The following KCNIP4 variants were observed in gnomAD, a reference collection of about 807,000 sequenced individuals.
KCNIP4 encodes potassium voltage-gated channel interacting protein 4, also known as Kv channel-interacting protein 4.
KCNIP4 carries 12 observed loss-of-function variants against 34.0 expected under a neutral mutation model. The ratio of observed to expected loss-of-function variants is 0.35; its 90% CI spans 0.23 to 0.57. The LOEUF (loss-of-function observed/expected upper bound fraction) is 0.57, where lower values mean the gene tolerates loss of function less well. KCNIP4 is among the 20% of genes least tolerant of loss of function. The probability of loss-of-function intolerance (pLI) is 0.83; values close to 1 mark genes in which losing one functional copy is unlikely to be tolerated. For synonymous variants in KCNIP4, 124 were observed against 102.2 expected (o/e 1.21, Z -1.29); for missense variants, 238 against 311.7 (o/e 0.76, Z 1.78).
At chr4:20,942,799 G>A (rs111527490) in intron 1 of KCNIP4, among the ~76,000 whole-genome samples, 19,637 of 151,996 alleles carry the variant, frequency 0.13, 1,807 homozygotes, top group African/African-American at 0.27. Context: ...AGCCTCCTGA[G>A]TAGCTGGGAT....
intron 1 of KCNIP4, among the ~76,000 whole-genome samples, chr4:21,320,545 A>G (rs1461539715): frequency 6.6e-6 from 1 of 152,122 alleles, no homozygotes; most frequent in African/African-American, 2.4e-5. Context: ...GGATTTTTCT[A>G]CCTACTATAT....
At chr4:21,947,248 T>A (rs74717206) in intron 1 of KCNIP4, among the ~76,000 whole-genome samples, 3,789 of 152,286 alleles carry the variant, frequency 0.025, 65 homozygotes, top group Middle Eastern at 0.044. Flanking sequence ...TCAGGAAACA[T>A]TTGATCTCTT....
chr4:21,351,196 A>ATGT (rs1717968154), intron 1 of KCNIP4, among the ~76,000 whole-genome samples: 1 of 152,148 alleles, frequency 6.6e-6, no homozygotes, highest in African/African-American at 2.4e-5. Context: ...TCAAATTTAT[A>ATGT]TGTTAAAGTT....
rs114025335 is a variant in KCNIP4 at position 20,763,952 on chromosome 4, A to T, written c.289-5062T>A. On this transcript the variant is annotated intron_variant, in intron 3 of 8. Transcript: ENST00000382152. Reference sequence around the variant, plus strand: ...TAAAGACTGTTTACTTGCTTCAAGTAAACAAGTACAATGAAGCTTAAATGT... The same window carrying T: ...TAAAGACTGTTTACTTGCTTCAAGTTAACAAGTACAATGAAGCTTAAATGT... Among the ~76,000 whole-genome samples, 842 of 152,316 alleles carry T rather than the reference A, an allele frequency of 5.5e-3. 8 individuals carry two copies. The highest frequency in any genetic ancestry group is 0.045 in the South Asian group (219 of 4,824).
At chr4:20,769,107 T>C (rs1755656995) in intron 3 of KCNIP4, among the ~76,000 whole-genome samples, 1 of 149,952 alleles carries the variant, frequency 6.7e-6, no homozygotes, top group Non-Finnish European at 1.5e-5. Context: ...AAGTTTCAGC[T>C]CTACTACTAA....
At position 21,223,461 on chromosome 4, in the gene KCNIP4, G is replaced by C. The variant is rs147565543; in HGVS notation, c.62-340752C>G. Among the ~76,000 whole-genome samples, 581 of 152,258 alleles carry C rather than the reference G, an allele frequency of 3.8e-3. 5 individuals are homozygous for C. The highest frequency in any genetic ancestry group is 5.4e-3 in the Non-Finnish European group (368 of 68,018). On this transcript the variant is annotated intron_variant, in intron 1 of 8. Coordinates refer to ENST00000382152, the MANE Select transcript of KCNIP4 (RefSeq NM_025221.6). The stretch of plus-strand genomic sequence containing the variant: ...GTGGTCATTTGTTCCAGCAGCAATA[G>C]GAAATTAATATGCCTGCTTTGCATA...
chr4:21,880,149 G>T (rs574093126), intron 1 of KCNIP4, among the ~76,000 whole-genome samples: 41 of 152,218 alleles, frequency 2.7e-4, no homozygotes, highest in African/African-American at 8.9e-4. Flanking sequence ...TTTTTAAGGA[G>T]ATATGGCATG....
At chr4:21,853,840 T>C (rs1042265648) in intron 1 of KCNIP4, among the ~76,000 whole-genome samples, 1 of 152,180 alleles carries the variant, frequency 6.6e-6, no homozygotes, top group Admixed American at 6.5e-5. Context: ...TCACTTAACC[T>C]CCCTGGACCT....
At chr4:20,792,111 C>T (rs747726848) in intron 3 of KCNIP4, among the ~76,000 whole-genome samples, 14 of 152,320 alleles carry the variant, frequency 9.2e-5, no homozygotes, top group Admixed American at 2.6e-4. Flanking sequence ...CAATGGCTCA[C>T]GCCTATAATC....
At chr4:21,572,188 G>T (rs1183395324) in intron 1 of KCNIP4, among the ~76,000 whole-genome samples, 2 of 152,088 alleles carry the variant, frequency 1.3e-5, no homozygotes, top group African/African-American at 2.4e-5. Flanking sequence ...TTCTAAAAGA[G>T]ACTGCTACTT....
intron 1 of KCNIP4, among the ~76,000 whole-genome samples, chr4:21,762,618 G>A (rs1560695481): frequency 6.6e-6 from 1 of 152,124 alleles, no homozygotes; most frequent in East Asian, 1.9e-4. Flanking sequence ...TTCCTCATCT[G>A]CAAACATAAA....
At chr4:21,123,119 C>T (rs949898518) in intron 1 of KCNIP4, among the ~76,000 whole-genome samples, 8 of 151,832 alleles carry the variant, frequency 5.3e-5, no homozygotes, top group Non-Finnish European at 1.0e-4. Flanking sequence ...GAGGCTGAGG[C>T]AGGAGAATGG....
At chr4:21,395,712 C>G (rs1046357185) in intron 1 of KCNIP4, among the ~76,000 whole-genome samples, 1 of 152,020 alleles carries the variant, frequency 6.6e-6, no homozygotes, top group Non-Finnish European at 1.5e-5. Flanking sequence ...AGGAAATGTC[C>G]TATAGAGACA....
intron 1 of KCNIP4, among the ~76,000 whole-genome samples, chr4:20,910,731 C>A (rs1728247210): frequency 6.6e-6 from 1 of 152,156 alleles, no homozygotes; most frequent in Non-Finnish European, 1.5e-5. Flanking sequence ...TCTGTTCCAA[C>A]ATAATTATCT....
chr4:20,788,653 A>G (rs1401985981), intron 3 of KCNIP4, among the ~76,000 whole-genome samples: 6 of 152,200 alleles, frequency 3.9e-5, no homozygotes, highest in African/African-American at 1.4e-4. Flanking sequence ...TGCATAAACA[A>G]AACCTATAAA....
intron 1 of KCNIP4, among the ~76,000 whole-genome samples, chr4:21,562,653 T>G (rs542910161): frequency 1.3e-5 from 2 of 152,076 alleles, no homozygotes; most frequent in African/African-American, 4.8e-5. Flanking sequence ...AAACAAAAAC[T>G]TTTTTTAAAA....
intron 1 of KCNIP4, among the ~76,000 whole-genome samples, chr4:21,176,331 G>C (rs537160088): frequency 1.1e-3 from 175 of 152,210 alleles, no homozygotes; most frequent in African/African-American, 3.9e-3. Context: ...AAGCCTTGAT[G>C]GACTAGGGAA....
chr4:21,070,667 T>A, intron 1 of KCNIP4, among the ~76,000 whole-genome samples: 1 of 98,828 alleles, frequency 1.0e-5, no homozygotes, highest in Admixed American at 9.5e-5. Context: ...TTTGAGATTT[T>A]TTTTTTTTTT....
At chr4:21,876,479 G>A (rs559156933) in intron 1 of KCNIP4, among the ~76,000 whole-genome samples, 1 of 152,120 alleles carries the variant, frequency 6.6e-6, no homozygotes, top group East Asian at 1.9e-4. Context: ...AGTACTAAAT[G>A]AGGAAATACA....
Sources: gnomAD v4.1 joint callset for allele counts (sites outside exome capture counted in the v4.1 genomes callset) on GRCh38, gnomAD v4.1.1 for gene constraint, MANE v1.5 for transcripts, NCBI Gene and HGNC (gene_info 2026-07-23, HGNC 2026-07-21) for gene names.